The following GALNT13 variants were observed in gnomAD, a reference collection of about 807,000 sequenced individuals.
GALNT13 encodes polypeptide N-acetylgalactosaminyltransferase 13.
In GALNT13, 28 loss-of-function variants were observed where a neutral mutation model predicts 64.2. The observed-to-expected ratio is 0.44, with a 90% CI of 0.32 to 0.60. GALNT13 has a LOEUF of 0.60. Among genes scored for constraint, GALNT13 ranks in the 20% least tolerant of loss-of-function variants. GALNT13 has a pLI of 0.05. For synonymous variants in GALNT13, 214 were observed against 224.6 expected, an observed-to-expected ratio of 0.95 and a Z score of 0.42; for missense variants, 577 against 669.8, an observed-to-expected ratio of 0.86 and a Z score of 1.53.
chr2:153,436,465 T>G, the GALNT13 span, among the ~76,000 whole-genome samples: 1 of 152,188 alleles, frequency 6.6e-6, no homozygotes, highest in Admixed American at 6.5e-5. Context: ...TCCTGGACTT[T>G]TTTTGGTTGG....
At chr2:153,244,475 G>T in the GALNT13 span, among the ~76,000 whole-genome samples, 2,200 of 152,290 alleles carry the variant, frequency 0.014, 58 homozygotes, top group African/African-American at 0.049. Context: ...ACTGGTACTG[G>T]TTAGGCAGTG....
intron 2 of GALNT13, among the ~76,000 whole-genome samples, chr2:153,922,456 G>A (rs1419658828): frequency 2.6e-5 from 4 of 152,210 alleles, no homozygotes; most frequent in Non-Finnish European, 5.9e-5. Flanking sequence ...TCCCATTTAA[G>A]CTATGAAAAT....
intron 3 of GALNT13, among the ~76,000 whole-genome samples, chr2:154,082,285 A>T (rs1701309255): frequency 6.6e-6 from 1 of 151,690 alleles, no homozygotes; most frequent in Non-Finnish European, 1.5e-5. Flanking sequence ...TTGTCTTCAC[A>T]TTAGGGATTT....
chr2:153,381,671 T>C, the GALNT13 span, among the ~76,000 whole-genome samples: 1 of 152,110 alleles, frequency 6.6e-6, no homozygotes, highest in African/African-American at 2.4e-5. Flanking sequence ...AGAAAATATG[T>C]GTCCAAATCT....
chr2:154,153,305 G>A (rs563728908), intron 4 of GALNT13, among the ~76,000 whole-genome samples: 1 of 152,154 alleles, frequency 6.6e-6, no homozygotes, highest in Non-Finnish European at 1.5e-5. Context: ...TCTCAGAGGA[G>A]TACCTGGCCA....
chr2:154,416,140 T>C (rs886518311), intron 11 of GALNT13, among the ~76,000 whole-genome samples: 1 of 152,160 alleles, frequency 6.6e-6, no homozygotes, highest in Admixed American at 6.6e-5. Context: ...GTCAGGAGAT[T>C]ATACTATACT....
the GALNT13 span, among the ~76,000 whole-genome samples, chr2:153,862,278 A>G: frequency 6.6e-6 from 1 of 152,190 alleles, no homozygotes; most frequent in Non-Finnish European, 1.5e-5. Context: ...TCAAGTTGAT[A>G]TAACTAAAGG....
intron 2 of GALNT13, among the ~76,000 whole-genome samples, chr2:153,912,181 G>GCT (rs762307931): frequency 1.3e-5 from 2 of 151,906 alleles, no homozygotes; most frequent in Non-Finnish European, 2.9e-5. Flanking sequence ...TCTTTACTCA[G>GCT]CTTGGTCTAA....
At chr2:153,121,426 A>G in the GALNT13 span, among the ~76,000 whole-genome samples, 3 of 152,326 alleles carry the variant, frequency 2.0e-5, no homozygotes, top group Admixed American at 2.0e-4. Flanking sequence ...TGAATATATA[A>G]AACAGAAAGT....
intron 1 of GALNT13, among the ~76,000 whole-genome samples, chr2:153,883,818 C>T (rs562661764): frequency 8.6e-5 from 13 of 151,958 alleles, no homozygotes; most frequent in African/African-American, 2.9e-4. Context: ...AACCATAGGA[C>T]TTTAGTTGGC....
At chr2:154,376,076 A>G (rs1697976620) in intron 9 of GALNT13, among the ~76,000 whole-genome samples, 1 of 152,218 alleles carries the variant, frequency 6.6e-6, no homozygotes, top group Admixed American at 6.5e-5. Flanking sequence ...CCTTCTTTTC[A>G]TTTGGAAACA....
At position 154,298,439 on chromosome 2, in the gene GALNT13, A is replaced by T. The variant is rs1277056143; in HGVS notation, c.976-2970A>T. The stretch of plus-strand genomic sequence containing the variant: ...ATAAATATATATGAAATATATATAA[A>T]TTATATATAATTTATATATACATAT... On this transcript the variant is annotated intron_variant, in intron 8 of 12. Coordinates refer to ENST00000392825, the MANE Select transcript of GALNT13 (RefSeq NM_052917.4). Among the ~76,000 whole-genome samples, 707 of 136,730 alleles carry T rather than the reference A, an allele frequency of 5.2e-3. 5 individuals carry two copies. The highest frequency in any genetic ancestry group is 0.013 in the Admixed American group (158 of 12,474). 89.7% of individuals were successfully genotyped at this position (136,730 alleles called of 152,430 possible). A position where few individuals can be genotyped will look rare whatever the true frequency, so the allele number is the denominator to read the frequency against.
the GALNT13 span, among the ~76,000 whole-genome samples, chr2:153,814,465 G>GTAAA: frequency 9.9e-4 from 148 of 149,016 alleles, no homozygotes; most frequent in South Asian, 9.8e-3. Context: ...AAGTAAGTAA[G>GTAAA]TAAATAAATA....
intron 4 of GALNT13, among the ~76,000 whole-genome samples, chr2:154,195,411 C>T (rs1686825023): frequency 6.6e-6 from 1 of 152,098 alleles, no homozygotes; most frequent in South Asian, 2.1e-4. Flanking sequence ...TTCTTTTAGA[C>T]ATGATTAAAC....
At chr2:153,881,580 G>T (rs539834251) in intron 1 of GALNT13, among the ~76,000 whole-genome samples, 1 of 152,044 alleles carries the variant, frequency 6.6e-6, no homozygotes, top group Admixed American at 6.6e-5. Context: ...GCCCATTTTT[G>T]CTTCTACAAT....
the GALNT13 span, among the ~76,000 whole-genome samples, chr2:153,519,518 T>C: frequency 6.6e-6 from 1 of 152,174 alleles, no homozygotes; most frequent in Admixed American, 6.6e-5. Flanking sequence ...TTAACTGTTT[T>C]ATGATTTTGT....
intron 9 of GALNT13, among the ~76,000 whole-genome samples, chr2:154,337,820 A>G (rs1483867073): frequency 6.6e-6 from 1 of 152,070 alleles, no homozygotes; most frequent in African/African-American, 2.4e-5. Flanking sequence ...TGTCTGAAGA[A>G]CAAGAGAAAA....
intron 3 of GALNT13, among the ~76,000 whole-genome samples, chr2:154,049,221 G>T (rs1699445433): frequency 6.6e-6 from 1 of 151,706 alleles, no homozygotes; most frequent in Admixed American, 6.6e-5. Flanking sequence ...GGAATAGGCT[G>T]AAAGTACATT....
chr2:153,328,416 C>T, the GALNT13 span, among the ~76,000 whole-genome samples: 27 of 152,200 alleles, frequency 1.8e-4, no homozygotes, highest in Non-Finnish European at 2.6e-4. Flanking sequence ...TACCCCTTCC[C>T]CCAAGTGCTC....
Sources: gnomAD v4.1 joint callset for allele counts (sites outside exome capture counted in the v4.1 genomes callset) on GRCh38, gnomAD v4.1.1 for gene constraint, MANE v1.5 for transcripts, NCBI Gene and HGNC (gene_info 2026-07-23, HGNC 2026-07-21) for gene names.